ARHGAP10: variants seen among roughly 807,000 people sequenced by gnomAD.
ARHGAP10 encodes the protein Rho GTPase activating protein 10, also known as rho GTPase-activating protein 10.
A neutral mutation model predicts 108.6 loss-of-function variants in ARHGAP10; 87 were observed. The observed-to-expected ratio is 0.80, with a 90% CI of 0.67 to 0.96. The LOEUF (loss-of-function observed/expected upper bound fraction) is 0.96. ARHGAP10 is among the 40% of genes least tolerant of loss of function. The pLI, the probability that ARHGAP10 is intolerant of heterozygous loss-of-function variation, is 0.00. For synonymous variants in ARHGAP10, 347 were observed against 341.1 expected (o/e 1.02, Z -0.19); for missense variants, 939 against 954.5 (o/e 0.98, Z 0.21).
At chr4:148,029,860 A>G (rs1220544095) in intron 19 of ARHGAP10, among the ~76,000 whole-genome samples, 4 of 152,188 alleles carry the variant, frequency 2.6e-5, no homozygotes, top group Admixed American at 6.5e-5. Context: ...CACTTTTACA[A>G]TGATGAGATC....
Position 148,040,900 on chromosome 4 carries a change from T to G in ARHGAP10, c.1868-5992T>G, listed in dbSNP as rs933009653. The stretch of plus-strand genomic sequence containing the variant: ...TGGCTGAACATTTTCTGAATGAACT[T>G]TATCACAAGAGTGTTTCTGTGTTAT... On this transcript the variant is annotated intron_variant, in intron 19 of 22. Coordinates refer to ENST00000336498, the MANE Select transcript of ARHGAP10 (RefSeq NM_024605.4). Among the ~76,000 whole-genome samples the G allele has an allele frequency of 4.6e-5, 7 of 152,232 alleles. 1 individual carries two copies. The highest frequency in any genetic ancestry group is 1.2e-4 in the African/African-American group (5 of 41,466).
chr4:148,050,668 C>G (rs540063095), intron 20 of ARHGAP10, among the ~76,000 whole-genome samples: 7 of 151,772 alleles, frequency 4.6e-5, no homozygotes, highest in Non-Finnish European at 7.4e-5. Flanking sequence ...CCACCGTGCC[C>G]GGTTGATTCA....
At chr4:147,893,937 G>A (rs1221270007) in intron 10 of ARHGAP10, among the ~76,000 whole-genome samples, 1 of 152,098 alleles carries the variant, frequency 6.6e-6, no homozygotes, top group Non-Finnish European at 1.5e-5. Context: ...TGTATTGAAA[G>A]ACACATTTTA....
At chr4:147,913,812 C>G (rs1560823649) in intron 13 of ARHGAP10, among the ~76,000 whole-genome samples, 1 of 152,102 alleles carries the variant, frequency 6.6e-6, no homozygotes, top group Non-Finnish European at 1.5e-5. Flanking sequence ...GGTTGAAGCA[C>G]TCTGAAGATA....
intron 7 of ARHGAP10, among the ~76,000 whole-genome samples, chr4:147,870,554 T>A (rs1472046329): frequency 1.0e-5 from 1 of 99,226 alleles, no homozygotes; most frequent in Admixed American, 1.4e-4. Flanking sequence ...ATTGTAAAAG[T>A]GGCTAGACTT....
chr4:147,839,325 G>A (rs1418394899), intron 3 of ARHGAP10, among the ~76,000 whole-genome samples: 1 of 152,164 alleles, frequency 6.6e-6, no homozygotes, highest in African/African-American at 2.4e-5. Flanking sequence ...GGTCATGGGA[G>A]AAAATAGGGG....
intron 18 of ARHGAP10, among the ~76,000 whole-genome samples, chr4:148,010,310 C>T (rs554056379): frequency 4.6e-5 from 7 of 152,148 alleles, no homozygotes; most frequent in Non-Finnish European, 8.8e-5. Flanking sequence ...GACCACAGTG[C>T]ATTTAAATAG....
At chr4:147,989,560 A>G (rs1348571724) in intron 18 of ARHGAP10, among the ~76,000 whole-genome samples, 2 of 152,210 alleles carry the variant, frequency 1.3e-5, no homozygotes, top group Non-Finnish European at 2.9e-5. Flanking sequence ...GGGACGTTCC[A>G]TGCTGAGAAA....
intron 5 of ARHGAP10, chr4:147,861,953 C>T (rs1301287761): frequency 6.6e-6 from 1 of 152,292 alleles, no homozygotes; most frequent in Non-Finnish European, 1.5e-5. Flanking sequence ...GGCTCCCAGG[C>T]TTCAGGCCAT....
intron 13 of ARHGAP10, 60 bp downstream of exon 13, chr4:147,913,199 A>G: frequency 6.8e-7 from 1 of 1,461,354 alleles, no homozygotes; most frequent in Non-Finnish European, 9.6e-7. Context: ...TCTAAAAGTC[A>G]TTAAAAATAC....
intron 1 of ARHGAP10, among the ~76,000 whole-genome samples, chr4:147,801,785 A>G (rs768683095): frequency 2.1e-4 from 32 of 152,326 alleles, no homozygotes; most frequent in Non-Finnish European, 4.4e-4. Context: ...CAGACATCAG[A>G]TACCTCTCAA....
intron 20 of ARHGAP10, among the ~76,000 whole-genome samples, chr4:148,047,441 C>G (rs1728939769): frequency 6.6e-6 from 1 of 152,252 alleles, no homozygotes; most frequent in East Asian, 1.9e-4. Context: ...ATTTTACTTA[C>G]ATGAATTTCT....
chr4:147,989,759 T>C (rs901330492), intron 18 of ARHGAP10, among the ~76,000 whole-genome samples: 3 of 152,176 alleles, frequency 2.0e-5, no homozygotes, highest in Non-Finnish European at 4.4e-5. Flanking sequence ...ACAATTTGTG[T>C]AGTTAACGCA....
intron 10 of ARHGAP10, among the ~76,000 whole-genome samples, chr4:147,902,504 G>A (rs775324730): frequency 6.6e-6 from 1 of 152,168 alleles, no homozygotes; most frequent in African/African-American, 2.4e-5. Flanking sequence ...GAGGTGGGCC[G>A]ATCACCTTGT....
chr4:147,932,889 G>A (rs1737760748), intron 13 of ARHGAP10, among the ~76,000 whole-genome samples: 2 of 152,116 alleles, frequency 1.3e-5, no homozygotes, highest in South Asian at 4.1e-4. Context: ...AGGCAGGTTT[G>A]GTGTGGAAAT....
intron 13 of ARHGAP10, chr4:147,917,254 C>T (rs962362475): frequency 6.6e-6 from 1 of 152,194 alleles, no homozygotes; most frequent in African/African-American, 2.4e-5. Context: ...CACAATGAAC[C>T]TCCCCCATCA....
chr4:147,795,680 T>A (rs1175703832), intron 1 of ARHGAP10, among the ~76,000 whole-genome samples: 2 of 151,604 alleles, frequency 1.3e-5, no homozygotes, highest in East Asian at 1.9e-4. Context: ...ATTTATTTTT[T>A]ATTTTTTTAA....
intron 15 of ARHGAP10, among the ~76,000 whole-genome samples, chr4:147,947,219 G>C (rs1184836997): frequency 1.4e-5 from 2 of 144,162 alleles, no homozygotes; most frequent in Non-Finnish European, 3.0e-5. Context: ...TTTTTTATGA[G>C]TCACTGTCTT....
chr4:147,833,844 C>T (rs935138466), intron 3 of ARHGAP10, among the ~76,000 whole-genome samples: 1 of 152,020 alleles, frequency 6.6e-6, no homozygotes, highest in African/African-American at 2.4e-5. Context: ...GTTAGATATT[C>T]AAGAAAATGC....
Sources: gnomAD v4.1 joint callset for allele counts (sites outside exome capture counted in the v4.1 genomes callset) on GRCh38, gnomAD v4.1.1 for gene constraint, MANE v1.5 for transcripts, NCBI Gene and HGNC (gene_info 2026-07-23, HGNC 2026-07-21) for gene names.